FERMT2: variants seen among roughly 807,000 people sequenced by gnomAD.
FERMT2 encodes FERM domain containing kindlin 2.
FERMT2 carries 15 observed loss-of-function variants against 82.7 expected under a neutral mutation model. The ratio of observed to expected loss-of-function variants is 0.18; its 90% CI spans 0.12 to 0.28. The LOEUF (loss-of-function observed/expected upper bound fraction) is 0.28, where lower values mean the gene tolerates loss of function less well. Among genes scored for constraint, FERMT2 ranks in the 10% least tolerant of loss-of-function variants. The probability of loss-of-function intolerance (pLI) is 1.00; values close to 1 mark genes in which losing one functional copy is unlikely to be tolerated. For synonymous variants in FERMT2, 274 were observed against 271.5 expected (o/e 1.01, Z -0.09); for missense variants, 645 against 809.4 (o/e 0.80, Z 2.46).
intron 2 of FERMT2, among the ~76,000 whole-genome samples, chr14:52,922,132 G>C (rs1423594639): frequency 6.6e-6 from 1 of 152,206 alleles, no homozygotes; most frequent in Non-Finnish European, 1.5e-5. Context: ...AAAGTGAGAT[G>C]GGGAGAAAAG....
rs561804467 is a variant in FERMT2, at chr14:52,875,557, G to A, written c.964-200C>T. ...ATAAATACTTATCCAAAAGAAGTAG[G>A]GTCTTTGGACACATACCAATGAATT... On this transcript the variant is annotated intron_variant, in intron 7 of 14. Coordinates refer to ENST00000341590, the MANE Select transcript of FERMT2 (RefSeq NM_006832.3). Among the ~76,000 whole-genome samples, 12 of 152,096 alleles carry A rather than the reference G, an allele frequency of 7.9e-5. 2 individuals are homozygous for A. The East Asian group carries it at 2.3e-3, about 29-fold the overall frequency.
At chr14:52,861,074 A>AG in intron 12 of FERMT2, 2 of 1,487,588 alleles carry the variant, frequency 1.3e-6, no homozygotes, top group Non-Finnish European at 1.8e-6. Flanking sequence ...GGAAGCAGAA[A>AG]GAAAAAAAAA....
intron 2 of FERMT2, among the ~76,000 whole-genome samples, chr14:52,925,948 TG>T (rs1889244567): frequency 6.6e-6 from 1 of 152,132 alleles, no homozygotes; most frequent in Non-Finnish European, 1.5e-5. Context: ...CCGGCACAGA[TG>T]CGGTAACTCT....
intron 3 of FERMT2, among the ~76,000 whole-genome samples, chr14:52,897,975 T>TAAA (rs1277929766): frequency 9.7e-5 from 1 of 10,272 alleles, no homozygotes; most frequent in African/African-American, 2.0e-4. Context: ...AAACTCCGTC[T>TAAA]CAAAAAAAAA....
At chr14:52,907,174 A>G (rs1888061569) in intron 3 of FERMT2, among the ~76,000 whole-genome samples, 1 of 152,086 alleles carries the variant, frequency 6.6e-6, no homozygotes, top group Admixed American at 6.6e-5. Flanking sequence ...CACCATGCCC[A>G]GCTAATTTTT....
chr14:52,893,007 G>GT (rs1440775236), intron 4 of FERMT2, among the ~76,000 whole-genome samples: 3 of 151,738 alleles, frequency 2.0e-5, no homozygotes, highest in Admixed American at 6.6e-5. Context: ...GAGAGTTTAT[G>GT]TTTTTTTTGA....
At chr14:52,918,310 A>AT (rs1451871067) in intron 3 of FERMT2, among the ~76,000 whole-genome samples, 1 of 152,232 alleles carries the variant, frequency 6.6e-6, no homozygotes, top group African/African-American at 2.4e-5. Flanking sequence ...GTATGGACAA[A>AT]TAAATGCATA....
intron 3 of FERMT2, among the ~76,000 whole-genome samples, chr14:52,917,228 G>A (rs1280118350): frequency 6.6e-6 from 1 of 152,054 alleles, no homozygotes; most frequent in African/African-American, 2.4e-5. Context: ...ACGTGGTAAT[G>A]GCAATAACAT....
chr14:52,859,579 G>A lies in FERMT2; in HGVS notation c.1863C>T (p.Ile621=). Residue 621 remains isoleucine (I), a synonymous_variant, in exon 14 of 15, where the codon ATC becomes ATT. Transcript: ENST00000341590. ...NMKQWNVNWE[I]KMVTVEFADE... ...AACATTGTTATGAGTTTACCATTTTGATTTCCCAGTTGACATTCCACTGTT... is the reference window on the plus strand; with the variant it reads ...AACATTGTTATGAGTTTACCATTTTAATTTCCCAGTTGACATTCCACTGTT... 6.2e-7 allele frequency: 1 copy of A among 1,605,398 alleles called. No individual in the cohort carries two copies. The highest frequency in any genetic ancestry group is 8.5e-7 in the Non-Finnish European group (1 of 1,175,676).
At position 52,889,934 on chromosome 14, in the gene FERMT2, G is replaced by C. The variant is rs1006067766; in HGVS notation, c.526+3359C>G. ...ACTTGAGACCAGGAGTTCAAGACCA[G>C]TCTGGCCAACATGGTGAAACCCCAT... is the stretch of plus-strand genomic sequence containing the variant. On this transcript the variant is annotated intron_variant, in intron 4 of 14. Coordinates refer to ENST00000341590, the MANE Select transcript of FERMT2 (RefSeq NM_006832.3). Among the ~76,000 whole-genome samples the C allele has an allele frequency of 2.0e-5, 3 of 152,016 alleles. No homozygotes were observed. In the East Asian group the frequency reaches 5.8e-4, roughly 29 times the overall value.
At chr14:52,938,004 C>G (rs559079184) in intron 2 of FERMT2, among the ~76,000 whole-genome samples, 7 of 152,150 alleles carry the variant, frequency 4.6e-5, no homozygotes, top group African/African-American at 1.4e-4. Flanking sequence ...TTAATCCTTA[C>G]GACAACCCTA....
In FERMT2 at chr14:52,950,639, C is replaced by G. The variant is rs552871073; in HGVS notation, c.-9-62G>C. The G allele has an allele frequency of 4.2e-5, 65 of 1,534,484 alleles. No homozygotes were observed. The African/African-American group carries it at 5.3e-4, about 13-fold the overall frequency. On this transcript the variant is annotated intron_variant, in intron 1 of 14. Coordinates refer to ENST00000341590, the MANE Select transcript of FERMT2 (RefSeq NM_006832.3). ...CTCCCCCAAAGAAAGGCGAATCCCA[C>G]CGAATTCGCAGCGCCGGCCACGGGC... is the stretch of plus-strand genomic sequence containing the variant.
At chr14:52,931,179 G>C (rs1039265042) in intron 2 of FERMT2, among the ~76,000 whole-genome samples, 3 of 152,120 alleles carry the variant, frequency 2.0e-5, no homozygotes, top group African/African-American at 7.2e-5. Flanking sequence ...TTGGGCAATG[G>C]AATATAAAAA....
chr14:52,897,257 T>TTA lies in FERMT2; in HGVS notation c.392-3832_392-3831dup, dbSNP rs1887339739. 3.3e-5 allele frequency among the ~76,000 whole-genome samples: 5 copies of TTA among 152,286 alleles called. No individual in the cohort carries two copies. In the South Asian group the frequency reaches 1.0e-3, roughly 32 times the overall value. On this transcript the variant is annotated intron_variant, in intron 3 of 14. Transcript: ENST00000341590. The stretch of plus-strand genomic sequence containing the variant: ...AATCATTCTTCTAATACTGAGCCCA[T>TTA]TATAAATAATATTTAATAATTCTAC...
intron 4 of FERMT2, among the ~76,000 whole-genome samples, chr14:52,883,078 G>A (rs1268659383): frequency 2.6e-5 from 4 of 152,132 alleles, no homozygotes; most frequent in South Asian, 2.1e-4. Flanking sequence ...CACGCTATTC[G>A]GGAGGCGAAG....
At chr14:52,934,861 T>C (rs1889764985) in intron 2 of FERMT2, among the ~76,000 whole-genome samples, 1 of 152,220 alleles carries the variant, frequency 6.6e-6, no homozygotes, top group South Asian at 2.1e-4. Context: ...GAGTTTCTCA[T>C]GGGGGACAGA....
intron 2 of FERMT2, among the ~76,000 whole-genome samples, chr14:52,949,857 C>T (rs969415792): frequency 1.3e-5 from 2 of 152,182 alleles, no homozygotes; most frequent in Non-Finnish European, 2.9e-5. Flanking sequence ...GTTTGTCAAG[C>T]ACTGCCCCAC....
chr14:52,938,573 T>TA (rs999859060), intron 2 of FERMT2, among the ~76,000 whole-genome samples: 1 of 152,126 alleles, frequency 6.6e-6, no homozygotes, highest in Admixed American at 6.6e-5. Context: ...AAAGTTCACT[T>TA]AGTTTTTTTT....
At chr14:52,935,486 G>A (rs1451722506) in intron 2 of FERMT2, among the ~76,000 whole-genome samples, 1 of 152,108 alleles carries the variant, frequency 6.6e-6, no homozygotes, top group Admixed American at 6.5e-5. Context: ...TGCTTCTGGT[G>A]GAACTGGTAT....
Sources: allele counts gnomAD v4.1 joint callset (sites outside exome capture counted in the v4.1 genomes callset), GRCh38; gene constraint gnomAD v4.1.1; transcripts MANE v1.5; gene names NCBI Gene and HGNC (gene_info 2026-07-23, HGNC 2026-07-21).